Variants in OLFM1 observed in about 807,000 individuals in gnomAD.
OLFM1 encodes the protein olfactomedin 1.
A neutral mutation model predicts 49.7 loss-of-function variants in OLFM1; 9 were observed. The ratio of observed to expected loss-of-function variants is 0.18; its 90% CI spans 0.11 to 0.32. OLFM1 has a LOEUF of 0.32. Ranked by LOEUF, OLFM1 falls within the 10% of genes least tolerant of loss-of-function variation. The pLI, the probability that OLFM1 is intolerant of heterozygous loss-of-function variation, is 1.00. For synonymous variants in OLFM1, 240 were observed against 271.8 expected, an observed-to-expected ratio of 0.88 and a Z score of 1.15; for missense variants, 369 against 661.8, an observed-to-expected ratio of 0.56 and a Z score of 4.85.
intron 4 of OLFM1, among the ~76,000 whole-genome samples, chr9:135,100,918 ATGATTGATTGAT>A (rs35306672): frequency 6.6e-6 from 1 of 151,294 alleles, no homozygotes; most frequent in African/African-American, 2.4e-5. Flanking sequence ...AGATAGATAA[ATGATTGATTGAT>A]TGATTGATTG....
intron 2 of OLFM1, among the ~76,000 whole-genome samples, chr9:135,091,674 C>CACACACAG: frequency 2.5e-5 from 1 of 39,500 alleles, no homozygotes; most frequent in African/African-American, 1.2e-4. Flanking sequence ...CAGTCACACA[C>CACACACAG]TCACACATAG....
chr9:135,108,632 CAA>C (rs1450765488), intron 5 of OLFM1, among the ~76,000 whole-genome samples: 1 of 125,244 alleles, frequency 8.0e-6, no homozygotes, highest in Non-Finnish European at 1.7e-5. Flanking sequence ...GGCTCTGTCT[CAA>C]AAAAAAAAAA....
intron 1 of OLFM1, chr9:135,075,903 G>A: frequency 4.2e-6 from 6 of 1,418,058 alleles, no homozygotes; most frequent in Middle Eastern, 1.8e-4. Flanking sequence ...GCGCCGCCCC[G>A]CGCCCCCGGC....
intron 4 of OLFM1, among the ~76,000 whole-genome samples, chr9:135,103,601 G>A (rs939647815): frequency 1.6e-4 from 24 of 152,232 alleles, no homozygotes; most frequent in Admixed American, 6.5e-4. Flanking sequence ...GGAAGAGGGA[G>A]CCCTTGGCCC....
intron 1 of OLFM1, among the ~76,000 whole-genome samples, chr9:135,081,539 G>C (rs528035575): frequency 6.6e-6 from 1 of 152,112 alleles, no homozygotes; most frequent in Non-Finnish European, 1.5e-5. Context: ...CAGCAGGCCC[G>C]TCCACCCCTT....
chr9:135,111,914 A>G (rs1831029111), intron 5 of OLFM1, among the ~76,000 whole-genome samples: 1 of 152,000 alleles, frequency 6.6e-6, no homozygotes, highest in South Asian at 2.1e-4. Flanking sequence ...ACAGGGTTTC[A>G]CCACATTGGC....
chr9:135,093,270 G>A lies in OLFM1; in HGVS notation c.301-2594G>A, dbSNP rs373151780. Among the ~76,000 whole-genome samples, 62 of 152,320 alleles carry A rather than the reference G, an allele frequency of 4.1e-4. 1 individual carries two copies. Among genetic ancestry groups the A allele is most frequent in the South Asian group, 3.5e-3 (17 of 4,826 alleles). The stretch of plus-strand genomic sequence containing the variant: ...TGTAGGGACACAGATAGTGGCAGGC[G>A]TGTGGCACGGGCTCCGTTCTCTTTG... On this transcript the variant is annotated intron_variant, in intron 2 of 5. Coordinates refer to ENST00000371793, the MANE Select transcript of OLFM1 (RefSeq NM_001282611.2).
At chr9:135,094,778 A>C (rs1048845750) in intron 2 of OLFM1, among the ~76,000 whole-genome samples, 6 of 152,072 alleles carry the variant, frequency 3.9e-5, no homozygotes, top group African/African-American at 1.4e-4. Flanking sequence ...AGAAGTAGAA[A>C]CCACACTGTC....
At chr9:135,087,639 G>A, upstream of OLFM1, 1 of 583,890 alleles carries the variant, frequency 1.7e-6, no homozygotes, top group Non-Finnish European at 2.5e-6. Flanking sequence ...TCCCGGCCGC[G>A]GCCCCCGCGC....
intron 4 of OLFM1, among the ~76,000 whole-genome samples, chr9:135,104,579 C>T (rs749166603): frequency 2.5e-4 from 38 of 152,102 alleles, no homozygotes; most frequent in Non-Finnish European, 4.0e-4. Context: ...TAGGCTTCTC[C>T]TTCCGGACAA....
At chr9:135,087,597 AT>A (rs531921530), upstream of OLFM1, 598 of 858,708 alleles carry the variant, frequency 7.0e-4, 1 homozygote, top group African/African-American at 9.9e-3. Context: ...TCCTGGGCGG[AT>A]TGCGTCGGTC....
chr9:135,083,882 G>A (rs547243059), upstream of OLFM1, among the ~76,000 whole-genome samples: 10 of 152,268 alleles, frequency 6.6e-5, no homozygotes, highest in Admixed American at 5.2e-4. Context: ...TCTCCCTCCC[G>A]GGGCCAAAAT....
At chr9:135,105,979 T>G (rs1830937026) in intron 4 of OLFM1, 1 of 152,454 alleles carries the variant, frequency 6.6e-6, no homozygotes, top group Admixed American at 6.5e-5. Context: ...CCCTGAGCCC[T>G]CGGGGGTGTG....
At chr9:135,076,446 G>A in intron 1 of OLFM1, 1 of 1,441,462 alleles carries the variant, frequency 6.9e-7, no homozygotes, top group Non-Finnish European at 9.1e-7. Flanking sequence ...CATTTCAAAC[G>A]GGCTTGTCGT....
intron 4 of OLFM1, among the ~76,000 whole-genome samples, chr9:135,099,571 C>T (rs905820403): frequency 1.3e-5 from 2 of 152,170 alleles, no homozygotes; most frequent in African/African-American, 4.8e-5. Context: ...TTCCCAGGTT[C>T]CCAATTTAGG....
intron 1 of OLFM1, among the ~76,000 whole-genome samples, chr9:135,079,465 C>G (rs577027): frequency 0.26 from 38,812 of 151,882 alleles, 5,495 homozygotes; most frequent in East Asian, 0.49. Flanking sequence ...ATGAGCAGGG[C>G]GTGGTGGCAG....
At chr9:135,102,316 C>A (rs1431964073) in intron 4 of OLFM1, among the ~76,000 whole-genome samples, 1 of 152,200 alleles carries the variant, frequency 6.6e-6, no homozygotes, top group Non-Finnish European at 1.5e-5. Flanking sequence ...TGCCCCCGGC[C>A]CTGAGTGGAG....
chr9:135,078,917 A>C (rs1830500113), intron 1 of OLFM1, among the ~76,000 whole-genome samples: 1 of 152,128 alleles, frequency 6.6e-6, no homozygotes, highest in Non-Finnish European at 1.5e-5. Context: ...TCTGAGCCTG[A>C]CCTTCCTTGT....
rs1830628131 is a variant in OLFM1, at chr9:135,088,219, G to C, written c.150+80G>C. On this transcript the variant is annotated intron_variant, in intron 1 of 5. Coordinates refer to ENST00000371793, the MANE Select transcript of OLFM1 (RefSeq NM_001282611.2). This position sits in a 1 kb window ranked among gnomAD's most constrained non-coding sequence, Gnocchi z 4.8. The stretch of plus-strand genomic sequence containing the variant: ...CCTCCTCGGTCCGGAGCCCCGGGCT[G>C]GGCGGGCGCCGCGCGGGACCCGAGT... 1 of 1,189,334 alleles carries C rather than the reference G, an allele frequency of 8.4e-7. No homozygotes were observed. Among genetic ancestry groups the C allele is most frequent in the African/African-American group, 1.6e-5 (1 of 62,542 alleles). The allele number at this position is 1,189,334 out of a possible 1,614,324, so 73.7% of individuals were successfully genotyped here.
Sources: gnomAD v4.1 joint callset for allele counts (sites outside exome capture counted in the v4.1 genomes callset) on GRCh38, gnomAD v4.1.1 for gene constraint, Gnocchi (gnomAD v3.1) non-coding constraint, MANE v1.5 for transcripts, NCBI Gene and HGNC (gene_info 2026-07-23, HGNC 2026-07-21) for gene names.